Variants in CDH12 observed in about 807,000 individuals in gnomAD.
CDH12 encodes the protein cadherin-12.
In CDH12, 41 loss-of-function variants were observed where a neutral mutation model predicts 74.1. That is an observed-to-expected ratio of 0.55 (90% CI 0.43 to 0.72). The LOEUF (loss-of-function observed/expected upper bound fraction) is 0.72. Among genes scored for constraint, CDH12 ranks in the 30% least tolerant of loss-of-function variants. The pLI is 0.00. For synonymous variants in CDH12, 399 were observed against 355.0 expected (o/e 1.12, Z -1.39); for missense variants, 945 against 977.2 (o/e 0.97, Z 0.44).
At chr5:22,590,735 A>C (rs1736259437) in intron 1 of CDH12, among the ~76,000 whole-genome samples, 1 of 152,184 alleles carries the variant, frequency 6.6e-6, no homozygotes, top group African/African-American at 2.4e-5. Flanking sequence ...ACCCTGTTTT[A>C]ATTTTAGTAT....
At chr5:22,826,217 G>T (rs1021846451) in intron 1 of CDH12, among the ~76,000 whole-genome samples, 7 of 152,106 alleles carry the variant, frequency 4.6e-5, no homozygotes, top group African/African-American at 1.7e-4. Context: ...CATGAGATCT[G>T]ATGGTTTTAA....
At chr5:22,347,797 T>TA (rs1740181589) in intron 3 of CDH12, among the ~76,000 whole-genome samples, 1 of 152,188 alleles carries the variant, frequency 6.6e-6, no homozygotes, top group Non-Finnish European at 1.5e-5. Flanking sequence ...GTATTACTGA[T>TA]ACTAAATCAG....
At chr5:21,970,932 A>G (rs1415808570) in intron 6 of CDH12, among the ~76,000 whole-genome samples, 2 of 150,048 alleles carry the variant, frequency 1.3e-5, no homozygotes, top group African/African-American at 2.4e-5. Context: ...CAAAAATTTC[A>G]TCTTAGCATT....
At chr5:22,742,146 T>A (rs1192012363) in intron 1 of CDH12, among the ~76,000 whole-genome samples, 1 of 150,522 alleles carries the variant, frequency 6.6e-6, no homozygotes, top group African/African-American at 2.4e-5. Flanking sequence ...TGTGCCACTG[T>A]ACTCCAGCCT....
chr5:22,649,836 C>CA (rs200378825), intron 1 of CDH12, among the ~76,000 whole-genome samples: 1 of 151,964 alleles, frequency 6.6e-6, no homozygotes, highest in Non-Finnish European at 1.5e-5. Flanking sequence ...CAATTCTATA[C>CA]AAAAAACATG....
intron 8 of CDH12, among the ~76,000 whole-genome samples, chr5:21,833,223 GTTATATAACATATAATATATATTATATA>G (rs1561225326): frequency 0.013 from 60 of 4,734 alleles, 6 homozygotes; most frequent in African/African-American, 0.02. Flanking sequence ...TATATTATAT[GTTATATAACATATAATATATATTATATA>G]TTATATAACA....
At chr5:22,524,548 T>C (rs1737186609) in intron 1 of CDH12, among the ~76,000 whole-genome samples, 1 of 152,134 alleles carries the variant, frequency 6.6e-6, no homozygotes, top group Non-Finnish European at 1.5e-5. Flanking sequence ...TATAAAACAT[T>C]TTTTCTTTAG....
intron 1 of CDH12, among the ~76,000 whole-genome samples, chr5:22,718,296 C>T (rs1743689120): frequency 6.6e-6 from 1 of 152,150 alleles, no homozygotes; most frequent in Non-Finnish European, 1.5e-5. Flanking sequence ...CATCCACCCC[C>T]ACTCCCACAC....
intron 4 of CDH12, among the ~76,000 whole-genome samples, chr5:22,106,960 G>A (rs1480494671): frequency 6.6e-6 from 1 of 152,100 alleles, no homozygotes; most frequent in African/African-American, 2.4e-5. Flanking sequence ...CAGATGATAG[G>A]AGGAACAACA....
intron 6 of CDH12, among the ~76,000 whole-genome samples, chr5:21,898,527 C>G (rs779910779): frequency 6.6e-6 from 1 of 151,912 alleles, no homozygotes; most frequent in Admixed American, 6.6e-5. Flanking sequence ...ACGGTGAAAC[C>G]CCGTCTCTAC....
chr5:22,341,430 A>T (rs1011689754), intron 3 of CDH12, among the ~76,000 whole-genome samples: 1 of 152,234 alleles, frequency 6.6e-6, no homozygotes. Context: ...ACTAAAATAT[A>T]AGGAATGCCA....
chr5:22,042,784 G>A (rs1214621177), intron 5 of CDH12, among the ~76,000 whole-genome samples: 2 of 151,470 alleles, frequency 1.3e-5, no homozygotes, highest in Non-Finnish European at 2.9e-5. Context: ...AAGCTACTTA[G>A]GAGGCAGAGG....
At chr5:22,031,194 C>T (rs558945336) in intron 5 of CDH12, among the ~76,000 whole-genome samples, 6 of 151,938 alleles carry the variant, frequency 3.9e-5, no homozygotes, top group South Asian at 4.2e-4. Context: ...ATTAGCCAGG[C>T]GTGGTGGTAG....
chr5:22,704,090 T>C (rs1742857518), intron 1 of CDH12, among the ~76,000 whole-genome samples: 3 of 152,306 alleles, frequency 2.0e-5, no homozygotes, highest in Middle Eastern at 3.4e-3. Flanking sequence ...GGTTTACATT[T>C]GATGTTTACA....
At chr5:21,827,557 C>T (rs773814467) in intron 8 of CDH12, among the ~76,000 whole-genome samples, 39 of 152,164 alleles carry the variant, frequency 2.6e-4, no homozygotes, top group African/African-American at 5.5e-4. Context: ...CATTAAAGTA[C>T]GAATTATTAC....
intron 2 of CDH12, among the ~76,000 whole-genome samples, chr5:22,437,924 C>A (rs1002032732): frequency 6.6e-6 from 1 of 151,994 alleles, no homozygotes; most frequent in African/African-American, 2.4e-5. Flanking sequence ...TACATTTAAA[C>A]ATAAAATCAT....
At chr5:21,990,775 C>A (rs1380044863) in intron 5 of CDH12, among the ~76,000 whole-genome samples, 2 of 151,076 alleles carry the variant, frequency 1.3e-5, no homozygotes, top group Non-Finnish European at 3.0e-5. Flanking sequence ...GTTGTAGATA[C>A]AGAAATTGAG....
intron 1 of CDH12, among the ~76,000 whole-genome samples, chr5:22,574,073 CTTTTTTT>C (rs543910610): frequency 8.0e-5 from 7 of 87,442 alleles, no homozygotes; most frequent in African/African-American, 2.7e-4. Context: ...GTCTCTCTCT[CTTTTTTT>C]TTTTTTTTTT....
At chr5:22,369,140 A>G (rs1445901060) in intron 3 of CDH12, among the ~76,000 whole-genome samples, 1 of 150,568 alleles carries the variant, frequency 6.6e-6, no homozygotes, top group East Asian at 2.0e-4. Context: ...ATAAATAAAT[A>G]AATGAATGAA....
Sources: allele counts gnomAD v4.1 joint callset (sites outside exome capture counted in the v4.1 genomes callset), GRCh38; gene constraint gnomAD v4.1.1; transcripts MANE v1.5; gene names NCBI Gene and HGNC (gene_info 2026-07-23, HGNC 2026-07-21).